The following LONP1 variants were observed in gnomAD, a reference collection of about 807,000 sequenced individuals.
LONP1 encodes the protein lon protease homolog, mitochondrial.
Under a neutral mutation model 98.5 loss-of-function variants are expected in LONP1, and 31 were observed. The observed-to-expected ratio is 0.31, with a 90% confidence interval of 0.24 to 0.42. The LOEUF is 0.42. LONP1 is among the 20% of genes least tolerant of loss of function. The pLI is 1.00. For synonymous variants in LONP1, 781 were observed against 594.7 expected, an observed-to-expected ratio of 1.31 and a Z score of -4.56; for missense variants, 1,336 against 1,350.6, an observed-to-expected ratio of 0.99 and a Z score of 0.17.
rs771268316 is a variant in LONP1, at chr19:5,694,568, AAC to A, written c.2155-18_2155-17del. 2.3e-5 allele frequency: 36 copies of A among 1,598,998 alleles called. No individual in the cohort carries two copies. The highest frequency in any genetic ancestry group is 8.5e-7 in the Non-Finnish European group (1 of 1,170,790). On this transcript the variant is annotated splice_polypyrimidine_tract_variant and intron_variant, in intron 14 of 17. Transcript: ENST00000360614. ...TCCGTAACACCTGGGCGGTCAGGGC[AAC>A]ACAATGGGCACGGGAAGGTGGGGTG...
In LONP1 at chr19:5,698,581, G is replaced by A. The variant is rs556546464; in HGVS notation, c.1685+446C>T. Among the ~76,000 whole-genome samples the A allele has an allele frequency of 4.6e-4, 70 of 152,298 alleles. 1 individual carries two copies. The highest frequency in any genetic ancestry group is 1.6e-3 in the African/African-American group (67 of 41,564). ...AAGGTTTCTCTGGTGTGCGCGGCCC[G>A]GTCCTCACTGGAGACCGTCTCTCCT... On this transcript the variant is annotated intron_variant, in intron 10 of 17. Coordinates refer to ENST00000360614, the MANE Select transcript of LONP1 (RefSeq NM_004793.4).
At chr19:5,709,188 A>G (rs1319520904) in intron 4 of LONP1, among the ~76,000 whole-genome samples, 1 of 144,400 alleles carries the variant, frequency 6.9e-6, no homozygotes, top group African/African-American at 2.6e-5. Context: ...CTACAACCAA[A>G]TTTTAATCAC....
In LONP1 at chr19:5,693,399, C is replaced by T; in HGVS notation, c.2602G>A (p.Ala868Thr). The change falls in exon 17 of 18, where the codon GCC becomes ACC. Residue 868 changes from alanine to threonine, a missense_variant. By Grantham distance (58) the Ala-to-Thr change is moderately conservative. Around this residue, in one of 5 missense-constraint regions of LONP1, gnomAD observed 555 missense variants for 542.6 expected, o/e 1.02. Coordinates refer to ENST00000360614, the MANE Select transcript of LONP1 (RefSeq NM_004793.4). ...TTCTGCCGGACAGGCCTGCCCATGGCCAGGGACAGCAGGGCCGTGACGATG... is the reference window on the plus strand; with the variant it reads ...TTCTGCCGGACAGGCCTGCCCATGGTCAGGGACAGCAGGGCCGTGACGATG... ...CTIVTALLSL[A>T]MGRPVRQNLA... The T allele has an allele frequency of 1.2e-6, 2 of 1,613,060 alleles. No homozygotes were observed. Among genetic ancestry groups the T allele is most frequent in the Non-Finnish European group, 1.7e-6 (2 of 1,179,684 alleles).
At chr19:5,711,702 C>T (rs2055239251) in intron 4 of LONP1, 69 bp downstream of exon 4, 5 of 1,340,038 alleles carry the variant, frequency 3.7e-6, no homozygotes, top group Admixed American at 3.6e-5. Context: ...TCGGAGAGGC[C>T]GCAGGAACGG....
intron 10 of LONP1, among the ~76,000 whole-genome samples, chr19:5,698,760 CG>C (rs759400864): frequency 2.6e-5 from 4 of 152,162 alleles, no homozygotes; most frequent in Non-Finnish European, 5.9e-5. Flanking sequence ...CTGGAACTAC[CG>C]GGGGTGTCTG....
intron 12 of LONP1, 38 bp downstream of exon 12, chr19:5,696,211 C>T: frequency 6.2e-7 from 1 of 1,612,760 alleles, no homozygotes; most frequent in African/African-American, 1.3e-5. Flanking sequence ...GGCCGCTTAC[C>T]CTCCCCAGCA....
In LONP1 at chr19:5,696,729, T is replaced by TCCCGGGCATGGCG; in HGVS notation, c.1701_1713dup (p.Lys572ArgfsTer119). On this transcript the variant is annotated frameshift_variant, in exon 11 of 18. Coordinates refer to ENST00000360614, the MANE Select transcript of LONP1 (RefSeq NM_004793.4). LOFTEE classifies it high-confidence loss of function. ...GTCTTCTTCAAACACTGGATGATCTTCCCGGGCATGGCGCCCACGTAGGTC... is the reference window on the plus strand; with the variant it reads ...GTCTTCTTCAAACACTGGATGATCTTCCCGGGCATGGCGCCCGGGCATGGCGCCCACGTAGGTC... 1 of 1,613,520 alleles carries TCCCGGGCATGGCG rather than the reference T, an allele frequency of 6.2e-7. No homozygotes were observed. Among genetic ancestry groups the TCCCGGGCATGGCG allele is most frequent in the Non-Finnish European group, 8.5e-7 (1 of 1,179,940 alleles).
chr19:5,719,569 G>C, intron 1 of LONP1, 135 bp downstream of exon 1: 1 of 1,498,486 alleles, frequency 6.7e-7, no homozygotes, highest in Non-Finnish European at 9.0e-7. Flanking sequence ...AGCAGACAAG[G>C]ATTCGAACTG....
Position 5,705,769 on chromosome 19 carries a change from C to A in LONP1, c.1367+3G>T, listed in dbSNP as rs1410639783. 1.2e-6 allele frequency: 2 copies of A among 1,613,720 alleles called. No individual in the cohort carries two copies. Among genetic ancestry groups the A allele is most frequent in the Admixed American group, 3.3e-5 (2 of 60,022 alleles). On this transcript the variant is annotated splice_donor_region_variant and intron_variant, in intron 8 of 17. Coordinates refer to ENST00000360614, the MANE Select transcript of LONP1 (RefSeq NM_004793.4). ...GCTGGGCCGCCCCGGGCCTGGCACT[C>A]ACTTGAACTCCGAGGAGTGGTTGTC... is the stretch of plus-strand genomic sequence containing the variant.
At chr19:5,700,755 T>C in intron 9 of LONP1, 34 bp downstream of exon 9, 3 of 1,612,318 alleles carry the variant, frequency 1.9e-6, no homozygotes, top group African/African-American at 1.3e-5. Context: ...GGCACCCACA[T>C]GCAAATCCAC....
intron 1 of LONP1, among the ~76,000 whole-genome samples, chr19:5,718,271 A>C (rs977413348): frequency 6.6e-6 from 1 of 151,990 alleles, no homozygotes; most frequent in Non-Finnish European, 1.5e-5. Flanking sequence ...TGAGGTCAGG[A>C]GTTCGAGACG....
rs758122492 is a variant in LONP1 at position 5,694,390 on chromosome 19, T to C, written c.2317A>G (p.Met773Val). The C allele has an allele frequency of 2.5e-6, 4 of 1,612,708 alleles. No individual in the cohort carries two copies. The highest frequency in any genetic ancestry group is 2.2e-5 in the East Asian group (1 of 44,874). The part of the protein sequence containing the change: ...GVVMGLAWTA[M>V]GGSTLFVETS... Reference sequence around the variant, plus strand: ...CTTCTCCCGCCACCACGCTCACCCATTGCGGTCCAGGCCAGCCCCATGACC... The same window carrying C: ...CTTCTCCCGCCACCACGCTCACCCACTGCGGTCCAGGCCAGCCCCATGACC... Residue 773 changes from methionine to valine, a missense_variant, in exon 15 of 18, where the codon ATG becomes GTG. By Grantham distance (21) the Met-to-Val change is conservative. Around this residue, in one of 5 missense-constraint regions of LONP1, gnomAD observed 555 missense variants for 542.6 expected, o/e 1.02. Transcript: ENST00000360614.
rs749918161 is a variant in LONP1 at position 5,705,846 on chromosome 19, G to C, written c.1293C>G (p.Pro431=). 6.2e-7 allele frequency: 1 copy of C among 1,614,178 alleles called. No homozygotes were observed. The highest frequency in any genetic ancestry group is 1.7e-5 in the Admixed American group (1 of 60,028). Residue 431 remains proline, a synonymous_variant, in exon 8 of 18, where the codon CCC becomes CCG. Coordinates refer to ENST00000360614, the MANE Select transcript of LONP1 (RefSeq NM_004793.4). ...CGTCCACAACATCCATGACGTGCTT[G>C]GGGACCACGAGCTCCTTCAGGCGCT... ...FRERLKELVV[P]KHVMDVVDEE...
chr19:5,693,687 C>T lies in LONP1; in HGVS notation c.2403G>A (p.Glu801=). The part of the protein sequence containing the change: ...DAKGDKDGSL[E]VTGQLGEVMK... ...TCACCTCCCCCAGCTGGCCTGTCAC[C>T]TCCAGGCTGCCATCCTTGTCACCCT... The change falls in exon 16 of 18, where the codon GAG becomes GAA. Residue 801 remains glutamate, a synonymous_variant. Coordinates refer to ENST00000360614, the MANE Select transcript of LONP1 (RefSeq NM_004793.4). The T allele has an allele frequency of 6.2e-7, 1 of 1,614,114 alleles. No individual in the cohort carries two copies. The highest frequency in any genetic ancestry group is 8.5e-7 in the Non-Finnish European group (1 of 1,180,004).
chr19:5,714,358 A>G (rs1389479470), intron 1 of LONP1, 87 bp from the exon 2 acceptor site: 1 of 923,484 alleles, frequency 1.1e-6, no homozygotes, highest in Non-Finnish European at 1.7e-6. Flanking sequence ...GCTGGAATGT[A>G]ATGGCGTGAT....
chr19:5,716,449 G>C (rs2055324981), intron 1 of LONP1, among the ~76,000 whole-genome samples: 1 of 150,836 alleles, frequency 6.6e-6, no homozygotes, highest in African/African-American at 2.4e-5. Flanking sequence ...ACATGATGCC[G>C]ATGCTGCTGG....
At chr19:5,712,124 A>G in intron 3 of LONP1, 122 bp from the exon 4 acceptor site, 1 of 767,296 alleles carries the variant, frequency 1.3e-6, no homozygotes, top group Non-Finnish European at 2.0e-6. Context: ...CTGGAGCCAC[A>G]GGGTGGCTAC....
In LONP1 at chr19:5,694,998, C is replaced by T. The variant is rs982382827; in HGVS notation, c.2014-97G>A. On this transcript the variant is annotated intron_variant, in intron 13 of 17. Transcript: ENST00000360614. Reference sequence around the variant, plus strand: ...AATGCCTCTCCCATGGCCCCCAGACCCTGGCCTGGGAACGAGGTCCCTGAT... The same window carrying T: ...AATGCCTCTCCCATGGCCCCCAGACTCTGGCCTGGGAACGAGGTCCCTGAT... 16 of 1,409,054 alleles carry T rather than the reference C, an allele frequency of 1.1e-5. No individual in the cohort carries two copies. The African/African-American group carries it at 1.8e-4, about 16-fold the overall frequency. The allele number at this position is 1,409,054 out of a possible 1,614,324, so 87.3% of individuals were successfully genotyped here.
intron 1 of LONP1, among the ~76,000 whole-genome samples, chr19:5,715,333 C>CTT (rs554066832): frequency 0.061 from 8,415 of 138,192 alleles, 309 homozygotes; most frequent in Middle Eastern, 0.13. Context: ...TGATAACTTC[C>CTT]TTTTTTTTTT....
Sources: gnomAD v4.1 joint callset for allele counts (sites outside exome capture counted in the v4.1 genomes callset) on GRCh38, gnomAD v4.1.1 for gene constraint, gnomAD v4.1.1 regional missense constraint, MANE v1.5 for transcripts, NCBI Gene and HGNC (gene_info 2026-07-23, HGNC 2026-07-21) for gene names.